DAB1: variants seen among roughly 807,000 people sequenced by gnomAD.
DAB1 encodes the protein disabled homolog 1.
Under a neutral mutation model 64.6 loss-of-function variants are expected in DAB1, and 15 were observed. That is an observed-to-expected ratio of 0.23 (90% CI 0.16 to 0.36). The LOEUF (loss-of-function observed/expected upper bound fraction) is 0.36, where lower values mean the gene tolerates loss of function less well. DAB1 is among the 10% of genes least tolerant of loss of function. The pLI, the probability that DAB1 is intolerant of heterozygous loss-of-function variation, is 1.00. For missense variants in DAB1, 596 were observed against 706.7 expected, an observed-to-expected ratio of 0.84 and a Z score of 1.78; for synonymous variants, 235 against 251.9, an observed-to-expected ratio of 0.93 and a Z score of 0.64.
rs543657512 is a variant in DAB1 at position 56,998,066 on chromosome 1, C to T, written c.*78G>A. 3.3e-5 allele frequency: 5 copies of T among 152,692 alleles called. No individual in the cohort carries two copies. In the East Asian group the frequency reaches 7.7e-4, roughly 24 times the overall value. The allele number at this position is 152,692 out of a possible 1,614,324, so 9.5% of individuals were successfully genotyped here. Reference sequence around the variant, plus strand: ...GTCCATGCCAGTCTTGAGCACCCACCACGAGCTCGCATCGATGCTATTTCT... The same window carrying T: ...GTCCATGCCAGTCTTGAGCACCCACTACGAGCTCGCATCGATGCTATTTCT... On this transcript the variant is annotated 3_prime_UTR_variant, in exon 15 of 15. Transcript: ENST00000371236.
intron 2 of DAB1, among the ~76,000 whole-genome samples, chr1:57,160,259 T>C (rs17541203): frequency 0.056 from 8,470 of 152,284 alleles, 371 homozygotes; most frequent in East Asian, 0.16. Flanking sequence ...TTAAACAATA[T>C]GTAAGTTCTT....
intron 7 of DAB1, chr1:57,605,841 G>T: frequency 1.8e-6 from 1 of 558,552 alleles, no homozygotes; most frequent in Non-Finnish European, 3.3e-6. Flanking sequence ...TATTAAGACA[G>T]TTGACTTAAG....
chr1:57,790,283 C>T (rs114912846), intron 6 of DAB1, among the ~76,000 whole-genome samples: 5,566 of 152,164 alleles, frequency 0.037, 335 homozygotes, highest in African/African-American at 0.12. Flanking sequence ...GGAGTTCTCA[C>T]GAGATTTGAT....
At chr1:58,220,664 AT>A (rs1371011068) in intron 4 of DAB1, among the ~76,000 whole-genome samples, 2 of 152,128 alleles carry the variant, frequency 1.3e-5, no homozygotes, top group Admixed American at 6.5e-5. Flanking sequence ...CAGCTATGCA[AT>A]TTGGGGTAAA....
intron 3 of DAB1, among the ~76,000 whole-genome samples, chr1:58,347,080 GTTTGTTTTGT>G (rs142226520): frequency 2.6e-5 from 4 of 151,200 alleles, no homozygotes; most frequent in South Asian, 2.1e-4. Context: ...ATGATTATGG[GTTTGTTTTGT>G]TTTGTTTTGT....
chr1:57,612,369 A>G (rs1043048203), intron 7 of DAB1, among the ~76,000 whole-genome samples: 17 of 152,232 alleles, frequency 1.1e-4, no homozygotes, highest in African/African-American at 4.1e-4. Flanking sequence ...CTTTGCAGAT[A>G]TGATTGGATT....
chr1:57,213,684 G>A (rs1181766642), intron 2 of DAB1, among the ~76,000 whole-genome samples: 3 of 152,156 alleles, frequency 2.0e-5, no homozygotes, highest in Admixed American at 6.5e-5. Flanking sequence ...CAAAGTTTGG[G>A]TAGCATCACC....
chr1:58,121,820 A>T (rs905085396), intron 5 of DAB1, among the ~76,000 whole-genome samples: 1 of 152,192 alleles, frequency 6.6e-6, no homozygotes, highest in Admixed American at 6.5e-5. Flanking sequence ...TTTCAAAATA[A>T]GTAAACGATT....
chr1:57,015,571 T>C, intron 11 of DAB1, 140 bp from the exon 12 acceptor site: 2 of 739,208 alleles, frequency 2.7e-6, no homozygotes, highest in Non-Finnish European at 4.4e-6. Flanking sequence ...GATGCCAAGA[T>C]GAACAAGACA....
chr1:57,392,386 C>T (rs147585227), intron 1 of DAB1, among the ~76,000 whole-genome samples: 31 of 152,084 alleles, frequency 2.0e-4, no homozygotes, highest in African/African-American at 6.5e-4. Flanking sequence ...ACAACAACAA[C>T]GACAACAACA....
chr1:58,475,068 G>T (rs1448299291), intron 3 of DAB1, among the ~76,000 whole-genome samples: 1 of 152,162 alleles, frequency 6.6e-6, no homozygotes, highest in Non-Finnish European at 1.5e-5. Flanking sequence ...TATTTCTCCA[G>T]ATTTAAACAT....
At chr1:57,475,088 C>T (rs1230547193) in intron 7 of DAB1, among the ~76,000 whole-genome samples, 5 of 152,086 alleles carry the variant, frequency 3.3e-5, no homozygotes, top group Non-Finnish European at 7.4e-5. Flanking sequence ...GGTGAAACCC[C>T]ATCTCTACTA....
At chr1:58,246,513 A>G (rs1405238918) in intron 4 of DAB1, among the ~76,000 whole-genome samples, 1 of 152,238 alleles carries the variant, frequency 6.6e-6, no homozygotes, top group Non-Finnish European at 1.5e-5. Context: ...TGAAAGTAGC[A>G]CCTGCAAAGG....
intron 5 of DAB1, among the ~76,000 whole-genome samples, chr1:57,977,671 C>T (rs1481597314): frequency 1.3e-5 from 2 of 150,662 alleles, no homozygotes; most frequent in Non-Finnish European, 2.9e-5. Flanking sequence ...CTCAAAGGGA[C>T]CACAGGTTCT....
At chr1:57,349,677 A>T (rs1271020917) in intron 1 of DAB1, among the ~76,000 whole-genome samples, 1 of 152,198 alleles carries the variant, frequency 6.6e-6, no homozygotes, top group African/African-American at 2.4e-5. Context: ...TCAAGGAAAA[A>T]GCAGCCTGCA....
At chr1:58,098,851 A>G (rs1651144911) in intron 5 of DAB1, among the ~76,000 whole-genome samples, 1 of 152,212 alleles carries the variant, frequency 6.6e-6, no homozygotes, top group Non-Finnish European at 1.5e-5. Context: ...TCTAGCCCTC[A>G]AAACTGTAAG....
rs944180797 is a variant in DAB1, at chr1:58,537,691, A to G, written n.32+9012T>C. On this transcript the variant is annotated intron_variant and non_coding_transcript_variant, in intron 1 of 20. Coordinates refer to the DAB1 transcript ENST00000485760. ...TTCTCTTGACAAAAATTTATTTTACAAATTCTTAAAGTTCTCTTTGTGAAG... is the reference window on the plus strand; with the variant it reads ...TTCTCTTGACAAAAATTTATTTTACGAATTCTTAAAGTTCTCTTTGTGAAG... Among the ~76,000 whole-genome samples the G allele has an allele frequency of 2.0e-5, 3 of 152,322 alleles. No individual in the cohort carries two copies. In the East Asian group the frequency reaches 5.8e-4, roughly 29 times the overall value.
intron 7 of DAB1, among the ~76,000 whole-genome samples, chr1:57,601,933 A>G (rs1645580030): frequency 6.6e-6 from 1 of 152,168 alleles, no homozygotes; most frequent in Non-Finnish European, 1.5e-5. Context: ...TCCAGTTTAG[A>G]CAGGAAGACA....
intron 9 of DAB1, among the ~76,000 whole-genome samples, chr1:57,042,322 T>G (rs1398671906): frequency 2.0e-5 from 3 of 152,228 alleles, no homozygotes; most frequent in African/African-American, 7.2e-5. Context: ...TCTGAATAAG[T>G]CTGTAGGTAT....
Sources: allele counts gnomAD v4.1 joint callset (sites outside exome capture counted in the v4.1 genomes callset), GRCh38; gene constraint gnomAD v4.1.1; transcripts MANE v1.5; gene names NCBI Gene and HGNC (gene_info 2026-07-23, HGNC 2026-07-21).